LMO7: variants seen among roughly 807,000 people sequenced by gnomAD.
LMO7 encodes LIM domain only protein 7.
LMO7 carries 120 observed loss-of-function variants against 206.5 expected under a neutral mutation model. The observed-to-expected ratio is 0.58, with a 90% confidence interval of 0.50 to 0.68. The LOEUF (loss-of-function observed/expected upper bound fraction) is 0.68. Among genes scored for constraint, LMO7 ranks in the 30% least tolerant of loss-of-function variants. The pLI is 0.00. For synonymous variants in LMO7, 706 were observed against 681.5 expected, an observed-to-expected ratio of 1.04 and a Z score of -0.56; for missense variants, 1,959 against 1,957.9, an observed-to-expected ratio of 1.00 and a Z score of -0.01.
intron 4 of LMO7, among the ~76,000 whole-genome samples, chr13:75,763,250 C>T (rs1439771918): frequency 6.6e-6 from 1 of 152,084 alleles, no homozygotes; most frequent in Non-Finnish European, 1.5e-5. Context: ...CTGCTGAATA[C>T]ACTTTAATGC....
chr13:75,719,912 T>G (rs558221879), intron 2 of LMO7, among the ~76,000 whole-genome samples: 1 of 152,344 alleles, frequency 6.6e-6, no homozygotes, highest in South Asian at 2.1e-4. Context: ...TGTAAGAAAC[T>G]GCCAAACTCT....
At chr13:75,789,624 A>G (rs1461122808) in intron 4 of LMO7, among the ~76,000 whole-genome samples, 2 of 152,112 alleles carry the variant, frequency 1.3e-5, no homozygotes, top group Non-Finnish European at 2.9e-5. Flanking sequence ...GTATGCAACC[A>G]TGTGGCCAGT....
At chr13:75,727,005 C>T (rs369115712) in intron 2 of LMO7, 24 bp from the exon 3 acceptor site, 436 of 1,316,326 alleles carry the variant, frequency 3.3e-4, no homozygotes, top group African/African-American at 2.4e-3. Context: ...CTTGTAATTG[C>T]ATCTGTTATT....
intron 28 of LMO7, chr13:75,854,965 T>C (rs989089651): frequency 7.1e-6 from 2 of 281,018 alleles, no homozygotes; most frequent in Non-Finnish European, 1.4e-5. Flanking sequence ...TATTGCTGAG[T>C]ACAGATGTGA....
chr13:75,677,048 TG>T (rs768534410), intron 1 of LMO7, among the ~76,000 whole-genome samples: 9 of 152,224 alleles, frequency 5.9e-5, no homozygotes, highest in Non-Finnish European at 8.8e-5. Flanking sequence ...ATTTATGATA[TG>T]GAATGAACCC....
chr13:75,855,601 A>G (rs138019882), intron 29 of LMO7, among the ~76,000 whole-genome samples: 1 of 152,338 alleles, frequency 6.6e-6, no homozygotes, highest in African/African-American at 2.4e-5. Flanking sequence ...ATCTGTTAGA[A>G]TTCTATACAT....
intron 3 of LMO7, among the ~76,000 whole-genome samples, chr13:75,733,036 G>T (rs1000483084): frequency 2.6e-5 from 4 of 152,198 alleles, no homozygotes; most frequent in Non-Finnish European, 4.4e-5. Context: ...TGCCCCTACT[G>T]GGGGGTGCCT....
intron 8 of LMO7, 187 bp downstream of exon 8, chr13:75,804,728 A>G: frequency 9.9e-7 from 1 of 1,015,110 alleles, no homozygotes; most frequent in Non-Finnish European, 1.3e-6. Context: ...CTGTTTTAGA[A>G]TGTCAGCATA....
chr13:75,663,536 T>A lies in LMO7; in HGVS notation c.69+26810T>A, dbSNP rs1017318194. ...AGCTCTGCCTCCCGGGTTCACACCATTCTCCTGCATCAGCCTCCTGAGTAG... is the reference window on the plus strand; with the variant it reads ...AGCTCTGCCTCCCGGGTTCACACCAATCTCCTGCATCAGCCTCCTGAGTAG... On this transcript the variant is annotated intron_variant, in intron 1 of 30. Coordinates refer to ENST00000377534, the MANE Select transcript of LMO7 (RefSeq NM_001306080.2). Among the ~76,000 whole-genome samples the A allele has an allele frequency of 2.0e-5, 3 of 150,082 alleles. No individual in the cohort carries two copies. The East Asian group carries it at 6.1e-4, about 30-fold the overall frequency.
At chr13:75,752,981 T>C (rs2047391815) in intron 3 of LMO7, among the ~76,000 whole-genome samples, 1 of 152,048 alleles carries the variant, frequency 6.6e-6, no homozygotes, top group Non-Finnish European at 1.5e-5. Context: ...ATGGTAGTTC[T>C]ATTTTTAGTT....
chr13:75,807,979 C>T lies in LMO7; in HGVS notation c.1696C>T (p.Pro566Ser). The T allele has an allele frequency of 6.2e-7, 1 of 1,613,820 alleles. No individual in the cohort carries two copies. Among genetic ancestry groups the T allele is most frequent in the Non-Finnish European group, 8.5e-7 (1 of 1,179,846 alleles). ...KFLCVLERTC[P>S]SKEKSNSCRI... ...TCTCTGTGTACTTGAAAGGACATGC[C>T]CATCCAAAGAAAAAAGTAATAGCTG... Residue 566 changes from proline (P) to serine (S), a missense_variant, in exon 10 of 31, where the codon CCA (proline) becomes TCA (serine). By Grantham distance (74) the Pro-to-Ser change is moderately conservative. Transcript: ENST00000377534.
intron 7 of LMO7, among the ~76,000 whole-genome samples, chr13:75,801,997 C>G (rs1039878360): frequency 2.6e-5 from 4 of 152,050 alleles, no homozygotes; most frequent in African/African-American, 9.7e-5. Context: ...CCTCCTTTCT[C>G]TATTATAATT....
chr13:75,713,364 T>A (rs1434943062), intron 2 of LMO7, 112 bp downstream of exon 2: 2 of 639,774 alleles, frequency 3.1e-6, no homozygotes, highest in Non-Finnish European at 2.6e-6. Context: ...TATGTGTTCT[T>A]GGTCACAGGT....
At chr13:75,635,008 CAAAACAAAACAAA>C (rs2035576614), upstream of LMO7, among the ~76,000 whole-genome samples, 1 of 11,368 alleles carries the variant, frequency 8.8e-5, no homozygotes, top group Non-Finnish European at 3.7e-4. Context: ...CATCTCAAAA[CAAAACAAAACAAA>C]ACAAAACAAA....
intron 27 of LMO7, among the ~76,000 whole-genome samples, chr13:75,850,422 G>T (rs2060399344): frequency 6.6e-6 from 1 of 152,122 alleles, no homozygotes; most frequent in Non-Finnish European, 1.5e-5. Flanking sequence ...GGATAAATAT[G>T]CAAAGGTACA....
intron 1 of LMO7, among the ~76,000 whole-genome samples, chr13:75,705,785 G>A (rs1803054853): frequency 6.6e-6 from 1 of 151,698 alleles, no homozygotes; most frequent in African/African-American, 2.4e-5. Context: ...CACATTTAAA[G>A]TGTGATTTAT....
intron 1 of LMO7, among the ~76,000 whole-genome samples, chr13:75,645,975 G>C (rs2139068714): frequency 6.6e-6 from 1 of 152,202 alleles, no homozygotes; most frequent in African/African-American, 2.4e-5. Flanking sequence ...CCCTGACCTT[G>C]TCCCTAAATT....
At chr13:75,737,855 A>AC (rs1324279764) in intron 3 of LMO7, among the ~76,000 whole-genome samples, 1 of 145,962 alleles carries the variant, frequency 6.9e-6, no homozygotes, top group Admixed American at 6.8e-5. Context: ...AAAAAAAAAA[A>AC]AAAAAAAAAC....
chr13:75,715,355 A>G (rs1228835105), intron 2 of LMO7, among the ~76,000 whole-genome samples: 2 of 152,248 alleles, frequency 1.3e-5, no homozygotes, highest in East Asian at 1.9e-4. Context: ...GGCAACAGCA[A>G]ACATTTGGAT....
Sources: allele counts gnomAD v4.1 joint callset (sites outside exome capture counted in the v4.1 genomes callset), GRCh38; gene constraint gnomAD v4.1.1; transcripts MANE v1.5; gene names NCBI Gene and HGNC (gene_info 2026-07-23, HGNC 2026-07-21).